TRANK1: variants seen among roughly 807,000 people sequenced by gnomAD.
The protein encoded by TRANK1 is tetratricopeptide repeat and ankyrin repeat containing 1.
In TRANK1, 198 loss-of-function variants were observed where a neutral mutation model predicts 266.0. That is an observed-to-expected ratio of 0.74 (90% CI 0.66 to 0.84). The LOEUF (loss-of-function observed/expected upper bound fraction) is 0.84. TRANK1 is among the 40% of genes least tolerant of loss of function. The probability of loss-of-function intolerance (pLI) is 0.00; values close to 1 mark genes in which losing one functional copy is unlikely to be tolerated. For synonymous variants in TRANK1, 1,396 were observed against 1,384.1 expected (o/e 1.01, Z -0.19); for missense variants, 3,326 against 3,634.6 (o/e 0.92, Z 2.18).
chr3:36,874,842 A>C (rs1019154171), intron 8 of TRANK1, among the ~76,000 whole-genome samples: 1 of 151,990 alleles, frequency 6.6e-6, no homozygotes, highest in African/African-American at 2.4e-5. Context: ...GTCTGTGGTC[A>C]CAGATGCAAC....
Position 36,858,750 on chromosome 3 carries a change from T to C in TRANK1, c.1640A>G (p.His547Arg). 1 of 1,536,404 alleles carries C rather than the reference T, an allele frequency of 6.5e-7. No individual in the cohort carries two copies. Among genetic ancestry groups the C allele is most frequent in the Non-Finnish European group, 8.7e-7 (1 of 1,146,464 alleles). Residue 547 changes from histidine to arginine, a missense_variant, in exon 12 of 24, where the codon CAT becomes CGT. His to Arg is a conservative substitution (Grantham distance 29). Coordinates refer to ENST00000645898, the MANE Select transcript of TRANK1 (RefSeq NM_001329998.2). ...ISLTEGDTPL[H>R]AALHIFLEIK... is the part of the protein sequence containing the mutation. The stretch of plus-strand genomic sequence containing the variant: ...CTCTAGAAAGATGTGGAGTGCTGCA[T>C]GCAAAGGAGTATCACCTTCCGTGAG...
At chr3:36,943,595 G>A (rs1393000190) in intron 1 of TRANK1, among the ~76,000 whole-genome samples, 1 of 149,058 alleles carries the variant, frequency 6.7e-6, no homozygotes, top group Non-Finnish European at 1.5e-5. Flanking sequence ...ACAAACTCCT[G>A]ACCACCGTCC....
At position 36,931,451 on chromosome 3, in the gene TRANK1, T is replaced by G. The variant is rs1005950928; in HGVS notation, c.23+13336A>C. Among the ~76,000 whole-genome samples, 38 of 152,194 alleles carry G rather than the reference T, an allele frequency of 2.5e-4. 1 individual carries two copies. Among genetic ancestry groups the G allele is most frequent in the Admixed American group, 2.4e-3 (36 of 15,272 alleles). On this transcript the variant is annotated intron_variant, in intron 1 of 23. Transcript: ENST00000645898. Reference sequence around the variant, plus strand: ...CAAGTACAGTGGCTCATGCTTGTAATCCCAGCACTCTGGGGAACCAAGGCA... The same window carrying G: ...CAAGTACAGTGGCTCATGCTTGTAAGCCCAGCACTCTGGGGAACCAAGGCA...
chr3:36,932,136 A>G (rs2080368476), intron 1 of TRANK1, among the ~76,000 whole-genome samples: 1 of 152,252 alleles, frequency 6.6e-6, no homozygotes, highest in Non-Finnish European at 1.5e-5. Flanking sequence ...TAAAAAAAGT[A>G]ACAGACATGA....
chr3:36,864,675 T>C (rs1187091946), intron 9 of TRANK1, among the ~76,000 whole-genome samples, 195 bp from the exon 10 acceptor site: 3 of 152,196 alleles, frequency 2.0e-5, no homozygotes, highest in African/African-American at 4.8e-5. Flanking sequence ...TGACTTGCTA[T>C]GACAAATAGA....
Position 36,838,662 on chromosome 3 carries a change from G to C in TRANK1, c.5335C>G (p.Leu1779Val). Residue 1779 changes from leucine to valine, a missense_variant, in exon 19 of 24, where the codon CTG becomes GTG. Leu to Val is a conservative substitution (Grantham distance 32). Coordinates refer to ENST00000645898, the MANE Select transcript of TRANK1 (RefSeq NM_001329998.2). ...GGAFEKEKLA[L>V]AHDTALSMKS... ...ATGCTCAGGGCAGTGTCATGGGCCA[G>C]GGCCAACTTCTCCTTCTCAAATGCA... The C allele has an allele frequency of 6.2e-7, 1 of 1,613,898 alleles. No individual in the cohort carries two copies. The highest frequency in any genetic ancestry group is 8.5e-7 in the Non-Finnish European group (1 of 1,179,864).
At chr3:36,859,262 C>T (rs1307286901) in intron 11 of TRANK1, among the ~76,000 whole-genome samples, 3 of 150,622 alleles carry the variant, frequency 2.0e-5, no homozygotes, top group Non-Finnish European at 2.9e-5. Flanking sequence ...TTTCTACATC[C>T]CTTGCTTCTT....
Position 36,855,277 on chromosome 3 carries a change from C to A in TRANK1, c.4445G>T (p.Arg1482Leu). The A allele has an allele frequency of 6.2e-7, 1 of 1,614,034 alleles. No homozygotes were observed. Among genetic ancestry groups the A allele is most frequent in the East Asian group, 2.2e-5 (1 of 44,888 alleles). The change falls in exon 13 of 24, where the codon CGC becomes CTC. Residue 1482 changes from arginine (R) to leucine (L), a missense_variant. Arg to Leu is a moderately radical substitution (Grantham distance 102, BLOSUM62 -2). Coordinates refer to ENST00000645898, the MANE Select transcript of TRANK1 (RefSeq NM_001329998.2). Reference protein sequence around the residue: ...KGVAFRFSDLRSLFHYASRNT... With the variant: ...KGVAFRFSDLLSLFHYASRNT... ...TCTGCTGGCATAATGGAACAGAGAG[C>A]GCAGATCGCTGAAGCGGAAGGCCAC... is the stretch of plus-strand genomic sequence containing the variant.
Position 36,860,898 on chromosome 3 carries a change from A to C in TRANK1, c.1495+8T>G, listed in dbSNP as rs1338458499. On this transcript the variant is annotated splice_region_variant and intron_variant, in intron 11 of 23. Transcript: ENST00000645898. ...AGTCTCCAACGCTTAGCATCCAGTC[A>C]CTCTCACCTCCACTGTCTATCAGGC... 1 of 1,536,730 alleles carries C rather than the reference A, an allele frequency of 6.5e-7. No individual in the cohort carries two copies. The highest frequency in any genetic ancestry group is 2.0e-5 in the Admixed American group (1 of 50,986).
chr3:36,893,074 C>CA, intron 5 of TRANK1, 90 bp from the exon 6 acceptor site: 1 of 389,594 alleles, frequency 2.6e-6, no homozygotes, highest in Non-Finnish European at 3.9e-6. Flanking sequence ...TTAAAACAAG[C>CA]AAATAAAAAA....
In TRANK1 at chr3:36,827,759, T is replaced by G. The variant is rs1027475493; in HGVS notation, c.*516A>C. On this transcript the variant is annotated 3_prime_UTR_variant, in exon 24 of 24. Transcript: ENST00000645898. Reference sequence around the variant, plus strand: ...CAAGTGGGCTCAGAGATGACCAGAATGCGTCCTGGGCTCGGGGTGGCCAGT... The same window carrying G: ...CAAGTGGGCTCAGAGATGACCAGAAGGCGTCCTGGGCTCGGGGTGGCCAGT... 6.5e-6 allele frequency: 1 copy of G among 152,678 alleles called. No individual in the cohort carries two copies. Among genetic ancestry groups the G allele is most frequent in the African/African-American group, 2.4e-5 (1 of 41,410 alleles). The allele number at this position is 152,678 out of a possible 1,614,324, so 9.5% of individuals were successfully genotyped here.
intron 1 of TRANK1, among the ~76,000 whole-genome samples, chr3:36,937,688 G>A (rs2080443078): frequency 1.3e-5 from 2 of 152,172 alleles, no homozygotes; most frequent in South Asian, 2.1e-4. Context: ...GCCAACCACA[G>A]ATTACTCATA....
At position 36,908,363 on chromosome 3, in the gene TRANK1, C is replaced by T. The variant is rs1314500412; in HGVS notation, c.115G>A (p.Asp39Asn). The T allele has an allele frequency of 2.4e-6, 3 of 1,232,102 alleles. No individual in the cohort carries two copies. The highest frequency in any genetic ancestry group is 3.2e-5 in the East Asian group (1 of 31,714). 76.3% of individuals were successfully genotyped at this position (1,232,102 alleles called of 1,614,324 possible). A position where few individuals can be genotyped will look rare whatever the true frequency, so the allele number is the denominator to read the frequency against. ...GNFSLAIRKY[D>N]EAIQILLQLY... ...TGCAGGAGAATCTGGATGGCTTCATCGTACTTTCTGATGGCCAAAGAGAAG... is the reference window on the plus strand; with the variant it reads ...TGCAGGAGAATCTGGATGGCTTCATTGTACTTTCTGATGGCCAAAGAGAAG... Residue 39 changes from aspartate to asparagine, a missense_variant, in exon 2 of 24, where the codon GAT becomes AAT. Physicochemically the swap from Asp to Asn is conservative, Grantham distance 23. Coordinates refer to ENST00000645898, the MANE Select transcript of TRANK1 (RefSeq NM_001329998.2).
intron 1 of TRANK1, among the ~76,000 whole-genome samples, chr3:36,916,727 G>T (rs1242756027): frequency 6.6e-6 from 1 of 152,126 alleles, no homozygotes; most frequent in Admixed American, 6.6e-5. Context: ...TGAACTCCAA[G>T]GCTTTTAGCC....
Position 36,856,706 on chromosome 3 carries a change from T to C in TRANK1, c.3016A>G (p.Arg1006Gly). 8.1e-6 allele frequency: 13 copies of C among 1,614,064 alleles called. No homozygotes were observed. The highest frequency in any genetic ancestry group is 1.1e-5 in the Non-Finnish European group (13 of 1,179,902). The change falls in exon 13 of 24, where the codon AGG becomes GGG. Residue 1006 changes from arginine (R) to glycine (G), a missense_variant. Coordinates refer to ENST00000645898, the MANE Select transcript of TRANK1 (RefSeq NM_001329998.2). ...YVEDTEAEKG[R>G]EHVNPEYFPP... The stretch of plus-strand genomic sequence containing the variant: ...AAGTACTCAGGATTGACATGCTCCC[T>C]GCCCTTCTCGGCCTCTGTGTCCTCC...
intron 2 of TRANK1, among the ~76,000 whole-genome samples, chr3:36,905,101 A>C (rs2079944239): frequency 6.6e-6 from 1 of 152,116 alleles, no homozygotes; most frequent in Admixed American, 6.5e-5. Flanking sequence ...ATCCCGGCTA[A>C]CACGGTGAAA....
intron 23 of TRANK1, among the ~76,000 whole-genome samples, chr3:36,829,036 C>T (rs2078662667): frequency 6.6e-6 from 1 of 152,216 alleles, no homozygotes; most frequent in Non-Finnish European, 1.5e-5. Context: ...CAAGATCATT[C>T]TGACTGCCAG....
intron 9 of TRANK1, among the ~76,000 whole-genome samples, chr3:36,873,272 T>A (rs1031471970): frequency 1.3e-5 from 2 of 152,216 alleles, no homozygotes; most frequent in Non-Finnish European, 2.9e-5. Flanking sequence ...CTACTATCTA[T>A]GCCTCCTCCA....
chr3:36,878,318 T>C (rs555801698), intron 8 of TRANK1, among the ~76,000 whole-genome samples: 3 of 152,254 alleles, frequency 2.0e-5, no homozygotes, highest in Non-Finnish European at 4.4e-5. Context: ...CCACCATCTG[T>C]GGAAAAATCG....
Sources: gnomAD v4.1 joint callset for allele counts (sites outside exome capture counted in the v4.1 genomes callset) on GRCh38, gnomAD v4.1.1 for gene constraint, MANE v1.5 for transcripts, NCBI Gene and HGNC (gene_info 2026-07-23, HGNC 2026-07-21) for gene names.